Variants in AUTS2 observed in about 807,000 individuals in gnomAD.
AUTS2 encodes autism susceptibility gene 2 protein.
AUTS2 carries 17 observed loss-of-function variants against 112.4 expected under a neutral mutation model. That is an observed-to-expected ratio of 0.15 (90% CI 0.10 to 0.23). AUTS2 has a LOEUF of 0.23. AUTS2 is among the 10% of genes least tolerant of loss of function. AUTS2 has a pLI of 1.00. For missense variants in AUTS2, 1,510 were observed against 1,701.6 expected (o/e 0.89, Z 1.98); for synonymous variants, 751 against 702.7 (o/e 1.07, Z -1.09).
intron 1 of AUTS2, among the ~76,000 whole-genome samples, chr7:69,611,887 G>A (rs1246223625): frequency 3.5e-5 from 5 of 142,176 alleles, no homozygotes; most frequent in Non-Finnish European, 4.5e-5. Flanking sequence ...CCGAGATTGC[G>A]CCACTGCAGT....
Position 70,791,132 on chromosome 7 carries a change from A to G in AUTS2, c.*136A>G, listed in dbSNP as rs1041764957. The G allele has an allele frequency of 5.9e-6, 5 of 844,588 alleles. No homozygotes were observed. In the African/African-American group the frequency reaches 8.8e-5, roughly 15 times the overall value. The allele number at this position is 844,588 out of a possible 1,614,324, so 52.3% of individuals were successfully genotyped here. On this transcript the variant is annotated 3_prime_UTR_variant, in exon 19 of 19. Coordinates refer to ENST00000342771, the MANE Select transcript of AUTS2 (RefSeq NM_015570.4). ...CCCCTTCCCCTTGTAAAAAATGTAT[A>G]GACTCAGTGCACATTTTGAAATGTT... is the stretch of plus-strand genomic sequence containing the variant.
At chr7:70,629,560 C>G (rs535039111) in intron 5 of AUTS2, among the ~76,000 whole-genome samples, 1 of 152,060 alleles carries the variant, frequency 6.6e-6, no homozygotes, top group African/African-American at 2.4e-5. Flanking sequence ...GGGCCTGAAT[C>G]CATCCCCTTG....
At chr7:70,047,862 C>CAGAGT (rs968636348) in intron 2 of AUTS2, among the ~76,000 whole-genome samples, 2 of 152,064 alleles carry the variant, frequency 1.3e-5, no homozygotes, top group African/African-American at 2.4e-5. Context: ...CTTGATTTTC[C>CAGAGT]AGAGTAGAGT....
At chr7:70,758,667 A>C (rs535418128) in intron 6 of AUTS2, among the ~76,000 whole-genome samples, 14 of 152,344 alleles carry the variant, frequency 9.2e-5, no homozygotes, top group Admixed American at 9.2e-4. Flanking sequence ...AAGACTACTC[A>C]ATTTGTACAT....
At chr7:70,212,703 T>A (rs1353461949) in intron 4 of AUTS2, among the ~76,000 whole-genome samples, 2 of 149,380 alleles carry the variant, frequency 1.3e-5, no homozygotes, top group East Asian at 2.0e-4. Flanking sequence ...AAAAAAAAAA[T>A]GTATGTTGAA....
At chr7:69,916,609 C>T (rs1795588865) in intron 2 of AUTS2, among the ~76,000 whole-genome samples, 1 of 152,146 alleles carries the variant, frequency 6.6e-6, no homozygotes, top group Non-Finnish European at 1.5e-5. Context: ...TCCTCAATTT[C>T]CTTCCTTACT....
chr7:70,393,764 C>T (rs1793968991), intron 4 of AUTS2, among the ~76,000 whole-genome samples: 3 of 152,158 alleles, frequency 2.0e-5, no homozygotes, highest in Admixed American at 6.5e-5. Context: ...CCCTTTCAAC[C>T]TTTAATACCT....
intron 1 of AUTS2, among the ~76,000 whole-genome samples, chr7:69,721,430 C>T (rs1261349755): frequency 6.6e-6 from 1 of 152,208 alleles, no homozygotes; most frequent in Non-Finnish European, 1.5e-5. Flanking sequence ...TATCACCTCA[C>T]ACATGGTTGT....
At chr7:70,108,446 C>T (rs554549905) in intron 2 of AUTS2, among the ~76,000 whole-genome samples, 8 of 152,108 alleles carry the variant, frequency 5.3e-5, no homozygotes, top group South Asian at 2.1e-4. Context: ...GTAAAGATAA[C>T]GGTATAATGA....
rs1791995475 is a variant in AUTS2, at chr7:70,791,991, T to C, written c.*995T>C. 6.6e-6 allele frequency: 1 copy of C among 152,652 alleles called. No individual in the cohort carries two copies. Among genetic ancestry groups the C allele is most frequent in the Non-Finnish European group, 1.5e-5 (1 of 68,046 alleles). The allele number at this position is 152,652 out of a possible 1,614,324, so 9.5% of individuals were successfully genotyped here. ...CATGTGAGAACCATGCCTTTTTTAG[T>C]GTGTCCTATTTCATACCTGTACACA... is the stretch of plus-strand genomic sequence containing the variant. On this transcript the variant is annotated 3_prime_UTR_variant, in exon 19 of 19. Transcript: ENST00000342771.
intron 1 of AUTS2, among the ~76,000 whole-genome samples, chr7:69,614,312 GTC>G (rs551728935): frequency 2.5e-5 from 2 of 79,456 alleles, no homozygotes; most frequent in African/African-American, 5.0e-5. Flanking sequence ...GTCACTCTCC[GTC>G]TCTTTCTTTC....
intron 5 of AUTS2, among the ~76,000 whole-genome samples, chr7:70,459,896 C>T (rs1796892536): frequency 6.6e-6 from 1 of 152,134 alleles, no homozygotes; most frequent in East Asian, 1.9e-4. Flanking sequence ...AAAGCCAGCC[C>T]CAGCCCTCAG....
intron 4 of AUTS2, among the ~76,000 whole-genome samples, chr7:70,143,117 A>G (rs1806948559): frequency 6.6e-6 from 1 of 152,220 alleles, no homozygotes; most frequent in Non-Finnish European, 1.5e-5. Flanking sequence ...TTGGTGAAAC[A>G]CCAAGAGTAT....
chr7:69,758,206 C>A (rs1788022258), intron 1 of AUTS2, among the ~76,000 whole-genome samples: 2 of 152,152 alleles, frequency 1.3e-5, no homozygotes, highest in Admixed American at 6.6e-5. Context: ...GCAAACACAG[C>A]CTGGGTGGGT....
intron 1 of AUTS2, among the ~76,000 whole-genome samples, chr7:69,776,869 A>G (rs1788920240): frequency 6.6e-6 from 1 of 152,266 alleles, no homozygotes. Flanking sequence ...TGTGAATACA[A>G]CCGTGGAACC....
At chr7:69,909,613 G>C (rs1323296268) in intron 2 of AUTS2, among the ~76,000 whole-genome samples, 1 of 152,030 alleles carries the variant, frequency 6.6e-6, no homozygotes, top group Non-Finnish European at 1.5e-5. Flanking sequence ...TTCATTACCA[G>C]CAAAGCTTCA....
intron 5 of AUTS2, among the ~76,000 whole-genome samples, chr7:70,632,534 A>T (rs1477167531): frequency 6.6e-6 from 1 of 151,512 alleles, no homozygotes; most frequent in Non-Finnish European, 1.5e-5. Context: ...GCAGGCACAG[A>T]TGCCCCCCGT....
rs890977189 is a variant in AUTS2, at chr7:69,864,625, C to T, written c.310-34661C>T. Among the ~76,000 whole-genome samples, 5 of 152,220 alleles carry T rather than the reference C, an allele frequency of 3.3e-5. No individual in the cohort carries two copies. The East Asian group carries it at 7.7e-4, about 23-fold the overall frequency. On this transcript the variant is annotated intron_variant, in intron 1 of 18. Coordinates refer to ENST00000342771, the MANE Select transcript of AUTS2 (RefSeq NM_015570.4). Reference sequence around the variant, plus strand: ...GGTTGGCATACTAAGTGGAGGCTCACATTTATTTGCAAACCATTTATCATT... The same window carrying T: ...GGTTGGCATACTAAGTGGAGGCTCATATTTATTTGCAAACCATTTATCATT...
At chr7:70,064,617 C>A (rs77561161) in intron 2 of AUTS2, among the ~76,000 whole-genome samples, 2,176 of 152,204 alleles carry the variant, frequency 0.014, 29 homozygotes, top group Non-Finnish European at 0.02. Flanking sequence ...ATTGTTTGCA[C>A]CCAGATTTAT....
Sources: allele counts gnomAD v4.1 joint callset (sites outside exome capture counted in the v4.1 genomes callset), GRCh38; gene constraint gnomAD v4.1.1; transcripts MANE v1.5; gene names NCBI Gene and HGNC (gene_info 2026-07-23, HGNC 2026-07-21).